Variants in NR5A2 observed in about 807,000 individuals in gnomAD.
NR5A2 encodes CYP7A promoter-binding factor.
In NR5A2, 26 loss-of-function variants were observed where a neutral mutation model predicts 62.7. The ratio of observed to expected loss-of-function variants is 0.41; its 90% CI spans 0.30 to 0.58. The LOEUF (loss-of-function observed/expected upper bound fraction) is 0.58, where lower values mean the gene tolerates loss of function less well. NR5A2 is among the 20% of genes least tolerant of loss of function. The probability of loss-of-function intolerance (pLI) is 0.22; values close to 1 mark genes in which losing one functional copy is unlikely to be tolerated. For missense variants in NR5A2, 541 were observed against 669.1 expected, an observed-to-expected ratio of 0.81 and a Z score of 2.11; for synonymous variants, 246 against 241.7, an observed-to-expected ratio of 1.02 and a Z score of -0.16.
intron 7 of NR5A2, among the ~76,000 whole-genome samples, chr1:200,141,182 C>G (rs1293286284): frequency 6.6e-6 from 1 of 152,182 alleles, no homozygotes; most frequent in Non-Finnish European, 1.5e-5. Context: ...AATGTTATCA[C>G]ATGTAGGTTC....
chr1:200,129,493 C>A (rs538411354), intron 7 of NR5A2, among the ~76,000 whole-genome samples: 9 of 152,154 alleles, frequency 5.9e-5, no homozygotes, highest in Non-Finnish European at 1.2e-4. Flanking sequence ...AAAAGAGGAC[C>A]CTTCCTTTTT....
At chr1:200,123,790 T>C (rs1178289530) in intron 7 of NR5A2, among the ~76,000 whole-genome samples, 2 of 150,654 alleles carry the variant, frequency 1.3e-5, no homozygotes, top group Non-Finnish European at 3.0e-5. Context: ...CATGCTGTGA[T>C]TTATTTTTAG....
chr1:200,051,137 G>A lies in NR5A2; in HGVS notation c.1110+2319G>A, dbSNP rs376701579. ...AAGTTGGGTATAAGGTAAAAACAAC[G>A]TTGAATAAAACAACATGTTTCCTCT... is the stretch of plus-strand genomic sequence containing the variant. On this transcript the variant is annotated intron_variant, in intron 5 of 7. Transcript: ENST00000367362. 5.9e-5 allele frequency among the ~76,000 whole-genome samples: 9 copies of A among 152,126 alleles called. 1 individual carries two copies. Among genetic ancestry groups the A allele is most frequent in the African/African-American group, 1.9e-4 (8 of 41,506 alleles).
rs541950463 is a variant in NR5A2 at position 200,169,195 on chromosome 1, C to T, written c.1379-4768C>T. On this transcript the variant is annotated intron_variant, in intron 7 of 7. Transcript: ENST00000367362. The stretch of plus-strand genomic sequence containing the variant: ...CTGCTTTTCTGCCTGGGTGACAGAA[C>T]GAGACTCTGTCCCTATTTATTAAAA... Among the ~76,000 whole-genome samples, 12 of 151,420 alleles carry T rather than the reference C, an allele frequency of 7.9e-5. No homozygotes were observed. In the East Asian group the frequency reaches 1.6e-3, roughly 20 times the overall value.
At chr1:200,118,094 G>A (rs12131026) in intron 6 of NR5A2, among the ~76,000 whole-genome samples, 34,847 of 140,514 alleles carry the variant, frequency 0.25, 4,724 homozygotes, top group Admixed American at 0.34. Flanking sequence ...TCAGTTCACC[G>A]CAACATCTGC....
In NR5A2 at chr1:200,167,037, A is replaced by T. The variant is rs565951295; in HGVS notation, c.1379-6926A>T. On this transcript the variant is annotated intron_variant, in intron 7 of 7. Transcript: ENST00000367362. Reference sequence around the variant, plus strand: ...GATAGAATCCTTTACAATTTAGCTTATCCTGAATCCCACTCCTAGGCCAGT... The same window carrying T: ...GATAGAATCCTTTACAATTTAGCTTTTCCTGAATCCCACTCCTAGGCCAGT... Among the ~76,000 whole-genome samples, 56 of 152,260 alleles carry T rather than the reference A, an allele frequency of 3.7e-4. 1 individual carries two copies. In the South Asian group the frequency reaches 0.011, roughly 30 times the overall value.
At chr1:200,133,526 T>C (rs868521745) in intron 7 of NR5A2, among the ~76,000 whole-genome samples, 1,878 of 87,400 alleles carry the variant, frequency 0.021, 40 homozygotes, top group African/African-American at 0.074. Context: ...TATATATATA[T>C]ACACACACAT....
chr1:200,050,717 C>G (rs1020224301), intron 5 of NR5A2, among the ~76,000 whole-genome samples: 2 of 152,016 alleles, frequency 1.3e-5, no homozygotes, highest in East Asian at 1.9e-4. Flanking sequence ...ATGGAGAAAC[C>G]CCGTCTCTAC....
At chr1:200,094,783 C>T (rs755854842) in intron 5 of NR5A2, among the ~76,000 whole-genome samples, 29 of 151,774 alleles carry the variant, frequency 1.9e-4, no homozygotes, top group East Asian at 1.6e-3. Flanking sequence ...CTGCCCGCCT[C>T]GGCCTCCCAA....
intron 5 of NR5A2, among the ~76,000 whole-genome samples, chr1:200,084,283 C>T (rs911775556): frequency 1.3e-5 from 2 of 152,126 alleles, no homozygotes; most frequent in African/African-American, 4.8e-5. Context: ...AATGTTTCTG[C>T]TCTCTTTCTG....
chr1:200,132,459 A>G (rs1045154168), intron 7 of NR5A2, among the ~76,000 whole-genome samples: 1 of 152,198 alleles, frequency 6.6e-6, no homozygotes, highest in Non-Finnish European at 1.5e-5. Context: ...TGCTGCATGC[A>G]TCTCTTGTCT....
intron 7 of NR5A2, among the ~76,000 whole-genome samples, chr1:200,134,041 C>A (rs190666401): frequency 1.2e-4 from 18 of 151,216 alleles, no homozygotes; most frequent in Non-Finnish European, 1.2e-4. Context: ...AAAAGCTTAT[C>A]GAATAAGCAT....
At position 200,043,808 on chromosome 1, in the gene NR5A2, T is replaced by G. The variant is rs566192787; in HGVS notation, c.237T>G (p.Asp79Glu). ...TTAAAATGGTGAATTACTCCTATGA[T>G]GAAGATCTGGAAGAGCTTTGTCCCG... Reference protein sequence around the residue: ...SQFKMVNYSYDEDLEELCPVC... With the variant: ...SQFKMVNYSYEEDLEELCPVC... The change falls in exon 3 of 8, where the codon GAT becomes GAG. Residue 79 changes from aspartate (D) to glutamate (E), a missense_variant. Asp to Glu is a conservative substitution (Grantham distance 45, BLOSUM62 2). Transcript: ENST00000367362. The G allele has an allele frequency of 9.9e-6, 16 of 1,613,494 alleles. No homozygotes were observed. In the East Asian group the frequency reaches 3.6e-4, roughly 36 times the overall value.
intron 7 of NR5A2, among the ~76,000 whole-genome samples, chr1:200,154,478 C>T (rs1653285187): frequency 1.3e-5 from 2 of 152,298 alleles, no homozygotes; most frequent in South Asian, 2.1e-4. Flanking sequence ...TGGGGTGATA[C>T]TCAAGTACCA....
chr1:200,057,452 T>C, intron 5 of NR5A2: 1 of 246,136 alleles, frequency 4.1e-6, no homozygotes, highest in Non-Finnish European at 8.1e-6. Context: ...GTCAAGTTAA[T>C]TGATTCGTAA....
intron 5 of NR5A2, among the ~76,000 whole-genome samples, chr1:200,107,420 CA>C (rs1465858244): frequency 2.0e-5 from 3 of 151,820 alleles, no homozygotes; most frequent in Non-Finnish European, 4.4e-5. Context: ...TTTGCGAAAG[CA>C]GGGAGATTAT....
intron 2 of NR5A2, chr1:200,042,739 A>C: frequency 1.1e-5 from 8 of 751,332 alleles, no homozygotes; most frequent in Non-Finnish European, 1.3e-5. Context: ...CCGCGCTCCC[A>C]TACTTGACCT....
In NR5A2 at chr1:200,147,948, G is replaced by C. The variant is rs945017617; in HGVS notation, c.1379-26015G>C. 21 of 347,222 alleles carry C rather than the reference G, an allele frequency of 6.0e-5. No homozygotes were observed. Among genetic ancestry groups the C allele is most frequent in the Non-Finnish European group, 9.7e-5 (18 of 186,120 alleles). The allele number at this position is 347,222 out of a possible 1,614,324, so 21.5% of individuals were successfully genotyped here. On this transcript the variant is annotated intron_variant, in intron 7 of 7. Coordinates refer to ENST00000367362, the MANE Select transcript of NR5A2 (RefSeq NM_205860.3). The surrounding 1 kb of genome is among the most constrained non-coding windows in gnomAD (Gnocchi z 4.9). ...GCAGCGCTTCGCCGGTGTTGGTGTTGCCCTGTGGTAGGCGATGCATCGGGC... is the reference window on the plus strand; with the variant it reads ...GCAGCGCTTCGCCGGTGTTGGTGTTCCCCTGTGGTAGGCGATGCATCGGGC...
intron 7 of NR5A2, among the ~76,000 whole-genome samples, chr1:200,150,198 C>T (rs979093473): frequency 6.6e-6 from 1 of 152,088 alleles, no homozygotes; most frequent in Non-Finnish European, 1.5e-5. Flanking sequence ...AAAAGGAAAC[C>T]AAAATCAAAT....
Sources: gnomAD v4.1 joint callset for allele counts (sites outside exome capture counted in the v4.1 genomes callset) on GRCh38, gnomAD v4.1.1 for gene constraint, Gnocchi (gnomAD v3.1) non-coding constraint, MANE v1.5 for transcripts, NCBI Gene and HGNC (gene_info 2026-07-23, HGNC 2026-07-21) for gene names.